The following RBMS1 variants were observed in gnomAD, a reference collection of about 807,000 sequenced individuals.
The protein encoded by RBMS1 is RNA-binding motif, single-stranded-interacting protein 1.
A neutral mutation model predicts 62.3 loss-of-function variants in RBMS1; 17 were observed. The observed-to-expected ratio is 0.27, with a 90% CI of 0.19 to 0.41. The LOEUF (loss-of-function observed/expected upper bound fraction) is 0.41, where lower values mean the gene tolerates loss of function less well. RBMS1 is among the 10% of genes least tolerant of loss of function. The probability of loss-of-function intolerance (pLI) is 1.00; values close to 1 mark genes in which losing one functional copy is unlikely to be tolerated. For missense variants in RBMS1, 334 were observed against 504.5 expected, an observed-to-expected ratio of 0.66 and a Z score of 3.24; for synonymous variants, 172 against 170.0, an observed-to-expected ratio of 1.01 and a Z score of -0.09.
chr2:160,342,260 G>GT (rs2105995590), intron 2 of RBMS1, among the ~76,000 whole-genome samples: 1 of 152,270 alleles, frequency 6.6e-6, no homozygotes, highest in African/African-American at 2.4e-5. Flanking sequence ...ACTGAAAGAT[G>GT]TAACACATGT....
intron 1 of RBMS1, among the ~76,000 whole-genome samples, chr2:160,417,043 T>C (rs1696237160): frequency 6.6e-6 from 1 of 152,224 alleles, no homozygotes; most frequent in Admixed American, 6.5e-5. Context: ...TTAAGCAGTC[T>C]GTAAATCTCT....
chr2:160,493,082 A>ACC (rs1685919253), intron 1 of RBMS1: 1 of 545,194 alleles, frequency 1.8e-6, no homozygotes, highest in Non-Finnish European at 3.2e-6. Context: ...GCTTTCTGTA[A>ACC]CCCGATCCCC....
At chr2:160,433,851 T>G (rs897808766) in intron 1 of RBMS1, among the ~76,000 whole-genome samples, 2 of 152,274 alleles carry the variant, frequency 1.3e-5, no homozygotes, top group Non-Finnish European at 2.9e-5. Context: ...CACAAAGCAC[T>G]ATAATTTCAA....
intron 2 of RBMS1, among the ~76,000 whole-genome samples, chr2:160,341,127 C>G (rs553347769): frequency 1.3e-5 from 2 of 152,022 alleles, no homozygotes; most frequent in Non-Finnish European, 2.9e-5. Flanking sequence ...TTTAACAGAA[C>G]TGGGATGTTG....
At chr2:160,428,521 GA>G (rs35197944) in intron 1 of RBMS1, among the ~76,000 whole-genome samples, 2 of 102,156 alleles carry the variant, frequency 2.0e-5, no homozygotes, top group African/African-American at 3.0e-5. Flanking sequence ...AGAAGAAGAA[GA>G]AAAAAACTCT....
At chr2:160,316,849 ATC>A (rs201828589) in intron 3 of RBMS1, among the ~76,000 whole-genome samples, 29,227 of 152,178 alleles carry the variant, frequency 0.19, 3,444 homozygotes, top group Admixed American at 0.36. Context: ...GATGTTGGTG[ATC>A]AGCCTCCTAT....
chr2:160,389,748 T>A, intron 1 of RBMS1, among the ~76,000 whole-genome samples: 1 of 137,328 alleles, frequency 7.3e-6, no homozygotes. Context: ...CCCTCAGTAA[T>A]TAACCAACAA....
At chr2:160,375,686 C>T (rs1238058822) in intron 1 of RBMS1, among the ~76,000 whole-genome samples, 1 of 151,992 alleles carries the variant, frequency 6.6e-6, no homozygotes, top group Non-Finnish European at 1.5e-5. Flanking sequence ...AAATTACAGC[C>T]CAAACAAACA....
rs1380735771 is a variant in RBMS1, at chr2:160,272,610, A to T, written c.*2162T>A. On this transcript the variant is annotated 3_prime_UTR_variant, in exon 14 of 14. Coordinates refer to ENST00000348849, the MANE Select transcript of RBMS1 (RefSeq NM_016836.4). ...GAGCTATCAAATTTCTGTCTTAACTAATGCAAAAATATCAAGTAGTGAGAG... is the reference window on the plus strand; with the variant it reads ...GAGCTATCAAATTTCTGTCTTAACTTATGCAAAAATATCAAGTAGTGAGAG... 6.6e-6 allele frequency: 1 copy of T among 152,126 alleles called. No homozygotes were observed. Among genetic ancestry groups the T allele is most frequent in the Non-Finnish European group, 1.5e-5 (1 of 68,028 alleles). The allele number at this position is 152,126 out of a possible 1,614,324, so 9.4% of individuals were successfully genotyped here.
chr2:160,341,260 T>A (rs1691856232), intron 2 of RBMS1, among the ~76,000 whole-genome samples: 1 of 152,188 alleles, frequency 6.6e-6, no homozygotes, highest in Non-Finnish European at 1.5e-5. Context: ...AAACTCATTA[T>A]TTCTGAGTAT....
At chr2:160,457,421 C>T (rs1237597592) in intron 1 of RBMS1, among the ~76,000 whole-genome samples, 3 of 152,078 alleles carry the variant, frequency 2.0e-5, no homozygotes, top group Admixed American at 6.5e-5. Context: ...TGAGCCACCG[C>T]GCGGTATCCT....
At chr2:160,471,410 G>A (rs560130103) in intron 1 of RBMS1, among the ~76,000 whole-genome samples, 14 of 151,614 alleles carry the variant, frequency 9.2e-5, no homozygotes, top group African/African-American at 3.4e-4. Context: ...CTCTAATCTA[G>A]AAAAATATTA....
intron 1 of RBMS1, among the ~76,000 whole-genome samples, chr2:160,471,203 G>A (rs1308768458): frequency 1.3e-5 from 2 of 152,126 alleles, no homozygotes; most frequent in Non-Finnish European, 2.9e-5. Context: ...TAAATGCTGG[G>A]CAGGGAAATA....
At chr2:160,292,749 T>C (rs1203627870) in intron 6 of RBMS1, among the ~76,000 whole-genome samples, 2 of 152,208 alleles carry the variant, frequency 1.3e-5, no homozygotes, top group Middle Eastern at 3.2e-3. Context: ...AGGCTGGCTG[T>C]AGGCTGGGTG....
chr2:160,450,867 C>T (rs961238205), intron 1 of RBMS1, among the ~76,000 whole-genome samples: 1 of 152,100 alleles, frequency 6.6e-6, no homozygotes, highest in African/African-American at 2.4e-5. Context: ...CAACAACAAA[C>T]TCAAGTATCT....
intron 1 of RBMS1, among the ~76,000 whole-genome samples, chr2:160,418,678 A>C (rs1303384583): frequency 1.3e-5 from 2 of 152,202 alleles, no homozygotes; most frequent in African/African-American, 4.8e-5. Flanking sequence ...TGATAAAACC[A>C]ACATGAAAAA....
intron 1 of RBMS1, chr2:160,407,871 G>A (rs1215707678): frequency 1.0e-6 from 1 of 981,218 alleles, no homozygotes; most frequent in Middle Eastern, 5.2e-4. Context: ...GCGCCGCCGC[G>A]TCCCCACCTA....
At chr2:160,466,599 C>G (rs1231418728) in intron 1 of RBMS1, among the ~76,000 whole-genome samples, 4 of 152,136 alleles carry the variant, frequency 2.6e-5, no homozygotes, top group African/African-American at 9.7e-5. Context: ...AAAAACAGAA[C>G]AAAATTAAAG....
intron 4 of RBMS1, among the ~76,000 whole-genome samples, chr2:160,304,367 C>T (rs2105953989): frequency 6.6e-6 from 1 of 150,864 alleles, no homozygotes; most frequent in East Asian, 2.0e-4. Flanking sequence ...AAAAAAAAGT[C>T]ATGTAAATTT....
Sources: gnomAD v4.1 joint callset for allele counts (sites outside exome capture counted in the v4.1 genomes callset) on GRCh38, gnomAD v4.1.1 for gene constraint, MANE v1.5 for transcripts, NCBI Gene and HGNC (gene_info 2026-07-23, HGNC 2026-07-21) for gene names.